Variants in SHLD1 observed in about 807,000 individuals in gnomAD.
SHLD1 encodes RINN1-REV7-interacting novel NHEJ regulator 3.
SHLD1 carries 3 observed loss-of-function variants against 5.5 expected under a neutral mutation model. The ratio of observed to expected loss-of-function variants is 0.54; its 90% CI spans 0.25 to 1.40. The LOEUF is 1.40. Ranked by LOEUF, SHLD1 falls within the 40% of genes most tolerant of loss-of-function variation. SHLD1 has a pLI of 0.15. For synonymous variants in SHLD1, 92 were observed against 94.3 expected (o/e 0.98, Z 0.14); for missense variants, 210 against 244.4 (o/e 0.86, Z 0.94).
chr20:5,812,444 G>A (rs1443641253), intron 2 of SHLD1, among the ~76,000 whole-genome samples: 1 of 152,096 alleles, frequency 6.6e-6, no homozygotes, highest in Non-Finnish European at 1.5e-5. Context: ...ACACTTAGAG[G>A]TTTTGATATA....
intron 2 of SHLD1, among the ~76,000 whole-genome samples, chr20:5,824,803 A>C (rs779209428): frequency 6.6e-6 from 1 of 152,168 alleles, no homozygotes; most frequent in African/African-American, 2.4e-5. Flanking sequence ...CCTAAAATTC[A>C]TACTGCTTTT....
At chr20:5,769,858 G>A (rs1358605097) in intron 1 of SHLD1, among the ~76,000 whole-genome samples, 2 of 152,060 alleles carry the variant, frequency 1.3e-5, no homozygotes, top group East Asian at 1.9e-4. Flanking sequence ...ACAAAAATTA[G>A]CCAGGTGTGG....
At chr20:5,840,357 C>T (rs2093743013) in intron 2 of SHLD1, among the ~76,000 whole-genome samples, 1 of 152,070 alleles carries the variant, frequency 6.6e-6, no homozygotes, top group South Asian at 2.1e-4. Context: ...TGGAAACTTT[C>T]CATTTCCAGA....
At position 5,861,841 on chromosome 20, in the gene SHLD1, G is replaced by A. The variant is rs540805863; in HGVS notation, c.179-1183G>A. Among the ~76,000 whole-genome samples, 7 of 152,238 alleles carry A rather than the reference G, an allele frequency of 4.6e-5. No homozygotes were observed. In the East Asian group the frequency reaches 5.8e-4, roughly 13 times the overall value. On this transcript the variant is annotated intron_variant, in intron 2 of 2. Transcript: ENST00000303142. The stretch of plus-strand genomic sequence containing the variant: ...TTTATTGTAGCTACTGATTGAGTTC[G>A]TAGGGGCAGGGAAATGTCAAAGCTA...
intron 2 of SHLD1, among the ~76,000 whole-genome samples, chr20:5,801,071 C>CTTTTTTTTTTTTTTTTTT (rs67798135): frequency 1.6e-5 from 2 of 121,942 alleles, no homozygotes; most frequent in Non-Finnish European, 3.6e-5. Context: ...CAGCCACCAT[C>CTTTTTTTTTTTTTTTTTT]TTTTTTTTTT....
At chr20:5,764,167 T>G (rs1984672361) in intron 1 of SHLD1, among the ~76,000 whole-genome samples, 1 of 94,614 alleles carries the variant, frequency 1.1e-5, no homozygotes, top group Admixed American at 1.4e-4. Flanking sequence ...TTTATATATA[T>G]ATATATATTT....
intron 2 of SHLD1, among the ~76,000 whole-genome samples, chr20:5,839,917 G>A (rs996629646): frequency 5.3e-5 from 8 of 152,064 alleles, no homozygotes; most frequent in Non-Finnish European, 1.0e-4. Context: ...TTGTCCCTGC[G>A]CCCCCACAAT....
intron 2 of SHLD1, among the ~76,000 whole-genome samples, chr20:5,834,046 T>G (rs2087761608): frequency 6.6e-6 from 1 of 152,204 alleles, no homozygotes. Context: ...TTTGTGACCC[T>G]TAGGATCCAG....
chr20:5,829,451 C>T (rs2087703200), intron 2 of SHLD1, among the ~76,000 whole-genome samples: 1 of 152,152 alleles, frequency 6.6e-6, no homozygotes, highest in Non-Finnish European at 1.5e-5. Context: ...AGATACTAAT[C>T]TCCCTCTCCC....
chr20:5,821,968 A>C (rs1380572167), intron 2 of SHLD1, among the ~76,000 whole-genome samples: 1 of 152,084 alleles, frequency 6.6e-6, no homozygotes, highest in Non-Finnish European at 1.5e-5. Context: ...ATACAGACCA[A>C]CCCTGGGACC....
intron 2 of SHLD1, among the ~76,000 whole-genome samples, chr20:5,817,201 A>G (rs1354645799): frequency 6.6e-6 from 1 of 152,172 alleles, no homozygotes; most frequent in East Asian, 1.9e-4. Context: ...TCTCCTGATT[A>G]TAGGTAATAT....
chr20:5,843,577 G>A (rs1015899643), intron 2 of SHLD1, among the ~76,000 whole-genome samples: 2 of 152,182 alleles, frequency 1.3e-5, no homozygotes, highest in African/African-American at 4.8e-5. Context: ...CGTTGAAGCT[G>A]ACATGCTAGG....
intron 2 of SHLD1, among the ~76,000 whole-genome samples, chr20:5,826,893 C>A (rs2087671951): frequency 6.6e-6 from 1 of 150,722 alleles, no homozygotes; most frequent in Admixed American, 6.7e-5. Context: ...TCTGTCATCG[C>A]CCCTCCCTCA....
In SHLD1 at chr20:5,797,371, G is replaced by A. The variant is rs138132738; in HGVS notation, c.178+24328G>A. ...AGCTCTGGAGTTCAAGATCAGCCTG[G>A]GCAACATAGTGAGACCCCATCTCTA... On this transcript the variant is annotated intron_variant, in intron 2 of 2. Coordinates refer to ENST00000303142, the MANE Select transcript of SHLD1 (RefSeq NM_152504.4). Among the ~76,000 whole-genome samples, 1,256 of 152,170 alleles carry A rather than the reference G, an allele frequency of 8.3e-3. 21 individuals carry two copies. Among genetic ancestry groups the A allele is most frequent in the African/African-American group, 0.029 (1,194 of 41,520 alleles).
chr20:5,847,338 G>T lies in SHLD1; in HGVS notation c.179-15686G>T, dbSNP rs146626849. Among the ~76,000 whole-genome samples the T allele has an allele frequency of 6.9e-3, 1,048 of 152,248 alleles. 16 individuals are homozygous for T. Among genetic ancestry groups the T allele is most frequent in the African/African-American group, 0.024 (1,000 of 41,528 alleles). ...CTTTATTAAATAGAATAGAAAACCA[G>T]TATCACCTTTGGTAGTGATAAGCCG... On this transcript the variant is annotated intron_variant, in intron 2 of 2. Coordinates refer to ENST00000303142, the MANE Select transcript of SHLD1 (RefSeq NM_152504.4).
intron 2 of SHLD1, among the ~76,000 whole-genome samples, chr20:5,817,422 C>CTG (rs1394384314): frequency 3.9e-4 from 52 of 131,768 alleles, no homozygotes; most frequent in African/African-American, 1.7e-3. Flanking sequence ...CTCTCTCTCT[C>CTG]TCTCTCTCTC....
intron 2 of SHLD1, among the ~76,000 whole-genome samples, chr20:5,819,338 T>C (rs575734050): frequency 3.4e-4 from 52 of 152,198 alleles, no homozygotes; most frequent in Non-Finnish European, 5.9e-4. Flanking sequence ...TGAACCAGAT[T>C]GATCTGGTGT....
In SHLD1 at chr20:5,855,024, C is replaced by T. The variant is rs985165253; in HGVS notation, c.179-8000C>T. ...AAGTAGCCGGGACTACAGGCATGAA[C>T]CACCATGGCCGGCTAAATTTTTAAT... On this transcript the variant is annotated intron_variant, in intron 2 of 2. Coordinates refer to ENST00000303142, the MANE Select transcript of SHLD1 (RefSeq NM_152504.4). The surrounding 1 kb of genome is among the most constrained non-coding windows in gnomAD (Gnocchi z 4.4). Among the ~76,000 whole-genome samples, 37 of 152,084 alleles carry T rather than the reference C, an allele frequency of 2.4e-4. No individual in the cohort carries two copies. Among genetic ancestry groups the T allele is most frequent in the Non-Finnish European group, 8.8e-5 (6 of 68,022 alleles).
chr20:5,832,800 TAAA>T (rs1381810716), intron 2 of SHLD1, among the ~76,000 whole-genome samples: 5 of 2,480 alleles, frequency 2.0e-3, no homozygotes, highest in African/African-American at 7.7e-3. Context: ...ATCAAAATAA[TAAA>T]TAAATAAATA....
Sources: allele counts gnomAD v4.1 joint callset (sites outside exome capture counted in the v4.1 genomes callset), GRCh38; gene constraint gnomAD v4.1.1; non-coding constraint Gnocchi (gnomAD v3.1); transcripts MANE v1.5; gene names NCBI Gene and HGNC (gene_info 2026-07-23, HGNC 2026-07-21).